VRK2: variants seen among roughly 807,000 people sequenced by gnomAD.
The protein encoded by VRK2 is serine/threonine-protein kinase VRK2.
VRK2 carries 60 observed loss-of-function variants against 57.6 expected under a neutral mutation model. The ratio of observed to expected loss-of-function variants is 1.04; its 90% CI spans 0.85 to 1.29. The LOEUF (loss-of-function observed/expected upper bound fraction) is 1.29, where lower values mean the gene tolerates loss of function less well. VRK2 is among the 50% of genes most tolerant of loss of function. The probability of loss-of-function intolerance (pLI) is 0.00; values close to 1 mark genes in which losing one functional copy is unlikely to be tolerated. For missense variants in VRK2, 705 were observed against 588.1 expected (o/e 1.20, Z -2.06); for synonymous variants, 231 against 199.2 (o/e 1.16, Z -1.35).
At chr2:58,083,253 A>G (rs2104136805) in intron 2 of VRK2, among the ~76,000 whole-genome samples, 1 of 151,924 alleles carries the variant, frequency 6.6e-6, no homozygotes, top group South Asian at 2.1e-4. Context: ...GAGTAAAGGA[A>G]TGAATGGATG....
At chr2:57,988,234 T>G (rs1672658935) in intron 1 of VRK2, among the ~76,000 whole-genome samples, 1 of 152,252 alleles carries the variant, frequency 6.6e-6, no homozygotes, top group Non-Finnish European at 1.5e-5. Context: ...CTCTTCCATT[T>G]TCTCTTTAAC....
intron 12 of VRK2, among the ~76,000 whole-genome samples, chr2:58,150,320 G>C (rs1490885515): frequency 2.7e-5 from 4 of 150,730 alleles, no homozygotes; most frequent in Non-Finnish European, 1.5e-5. Context: ...TTTTTTTCTT[G>C]GGTCAGTTTT....
At chr2:58,105,894 C>G (rs1447328922) in intron 7 of VRK2, among the ~76,000 whole-genome samples, 1 of 151,840 alleles carries the variant, frequency 6.6e-6, no homozygotes, top group Non-Finnish European at 1.5e-5. Context: ...TAGACACAGC[C>G]TATGTATGTT....
At chr2:58,022,614 G>A (rs536314986) in intron 1 of VRK2, among the ~76,000 whole-genome samples, 7 of 152,320 alleles carry the variant, frequency 4.6e-5, no homozygotes, top group South Asian at 2.1e-4. Flanking sequence ...GATGGCTCAC[G>A]CCTGCAACCC....
chr2:58,107,834 C>T (rs1030931528), intron 7 of VRK2, among the ~76,000 whole-genome samples: 1 of 152,130 alleles, frequency 6.6e-6, no homozygotes, highest in East Asian at 1.9e-4. Context: ...ATGTTTTTCT[C>T]CCTGTCTTCA....
intron 1 of VRK2, among the ~76,000 whole-genome samples, chr2:57,967,739 T>C (rs767617361): frequency 1.3e-5 from 2 of 152,182 alleles, no homozygotes; most frequent in Non-Finnish European, 2.9e-5. Context: ...AGATGATTTG[T>C]ATAGTTATTT....
chr2:57,907,832 A>G (rs1233401973), exon 1 of VRK2: 3 of 152,268 alleles, frequency 2.0e-5, no homozygotes, highest in African/African-American at 7.2e-5. Context: ...CTTCCTTGCT[A>G]CACTCAGGTA....
chr2:58,124,199 C>G (rs184504726), intron 8 of VRK2, among the ~76,000 whole-genome samples: 2 of 152,250 alleles, frequency 1.3e-5, no homozygotes, highest in African/African-American at 2.4e-5. Context: ...TAAACCTTAG[C>G]TGTTTATTAC....
chr2:58,024,849 G>A (rs1673874681), intron 1 of VRK2, among the ~76,000 whole-genome samples: 1 of 152,172 alleles, frequency 6.6e-6, no homozygotes, highest in Non-Finnish European at 1.5e-5. Context: ...AATTTTATGA[G>A]AAGAATCCAT....
chr2:58,136,147 T>C (rs1415881387), intron 10 of VRK2, among the ~76,000 whole-genome samples: 19 of 152,156 alleles, frequency 1.2e-4, no homozygotes, highest in Admixed American at 1.2e-3. Flanking sequence ...TTTTCATTTG[T>C]GGAGGAAAGG....
At chr2:57,911,988 G>C (rs1163445669) in intron 1 of VRK2, among the ~76,000 whole-genome samples, 1 of 152,108 alleles carries the variant, frequency 6.6e-6, no homozygotes, top group African/African-American at 2.4e-5. Flanking sequence ...GTAAATATTT[G>C]CTAAATATAG....
chr2:58,040,660 G>A (rs1674420270), intron 3 of VRK2, among the ~76,000 whole-genome samples: 1 of 152,196 alleles, frequency 6.6e-6, no homozygotes, highest in Non-Finnish European at 1.5e-5. Flanking sequence ...GCAAGCTACA[G>A]AATGTCAGAG....
intron 1 of VRK2, among the ~76,000 whole-genome samples, chr2:57,951,260 G>A (rs551072654): frequency 3.3e-5 from 5 of 152,138 alleles, no homozygotes; most frequent in Non-Finnish European, 7.3e-5. Flanking sequence ...GAAATAGCAA[G>A]AGAACTGGAA....
At chr2:57,914,408 C>T (rs1670084559) in intron 1 of VRK2, among the ~76,000 whole-genome samples, 1 of 151,896 alleles carries the variant, frequency 6.6e-6, no homozygotes, top group African/African-American at 2.4e-5. Context: ...AACTCTATCC[C>T]GATTCATTTT....
intron 2 of VRK2, among the ~76,000 whole-genome samples, chr2:58,026,087 T>C (rs1673915463): frequency 6.6e-6 from 1 of 152,198 alleles, no homozygotes. Context: ...ATTCCAAGTC[T>C]TCCCTCTTTC....
chr2:58,092,162 C>G (rs1245200265), intron 7 of VRK2, among the ~76,000 whole-genome samples: 1 of 152,180 alleles, frequency 6.6e-6, no homozygotes, highest in Non-Finnish European at 1.5e-5. Flanking sequence ...CAAAAGTTCT[C>G]TCATTCCTGT....
intron 9 of VRK2, 92 bp downstream of exon 9, chr2:58,132,020 C>T (rs1679278611): frequency 2.0e-6 from 3 of 1,470,276 alleles, no homozygotes; most frequent in African/African-American, 1.4e-5. Context: ...TTGGCATTCA[C>T]CCAACATGAC....
intron 1 of VRK2, among the ~76,000 whole-genome samples, chr2:57,999,143 T>C (rs1316578596): frequency 6.6e-6 from 1 of 152,176 alleles, no homozygotes; most frequent in Non-Finnish European, 1.5e-5. Flanking sequence ...GCACAGCCCA[T>C]TTAGCCAAAC....
chr2:58,091,543 A>G (rs995905920), intron 7 of VRK2, among the ~76,000 whole-genome samples: 1 of 152,050 alleles, frequency 6.6e-6, no homozygotes, highest in Non-Finnish European at 1.5e-5. Flanking sequence ...GAGTTAAATG[A>G]TTGAGTCTAT....
Sources: allele counts gnomAD v4.1 joint callset (sites outside exome capture counted in the v4.1 genomes callset), GRCh38; gene constraint gnomAD v4.1.1; transcripts MANE v1.5; gene names NCBI Gene and HGNC (gene_info 2026-07-23, HGNC 2026-07-21).